Variants in DENND4C observed in about 807,000 individuals in gnomAD.
DENND4C encodes DENN domain-containing protein 4C.
A neutral mutation model predicts 203.0 loss-of-function variants in DENND4C; 108 were observed. That is an observed-to-expected ratio of 0.53 (90% CI 0.46 to 0.62). The LOEUF is 0.62. Ranked by LOEUF, DENND4C falls within the 20% of genes least tolerant of loss-of-function variation. The pLI is 0.00. For missense variants in DENND4C, 2,481 were observed against 2,301.2 expected (o/e 1.08, Z -1.60); for synonymous variants, 871 against 792.4 (o/e 1.10, Z -1.67).
intron 26 of DENND4C, among the ~76,000 whole-genome samples, chr9:19,353,663 T>G (rs1173880341): frequency 6.6e-6 from 1 of 150,886 alleles, no homozygotes; most frequent in Non-Finnish European, 1.5e-5. Flanking sequence ...CTGGGCATGA[T>G]GGCTCATGCC....
chr9:19,305,389 C>G lies in DENND4C; in HGVS notation c.1349C>G (p.Pro450Arg), dbSNP rs1839454916. ...FPFQWQCPYIPLCPLSLAAVL... is the reference protein window; with the variant it reads ...FPFQWQCPYIRLCPLSLAAVL... ...TTTCAGTGGCAATGCCCATATATTC[C>G]CCTTTGTCCTCTTTCACTGGCTGCA... The change falls in exon 10 of 33, where the codon CCC (proline) becomes CGC (arginine). Residue 450 changes from proline (P) to arginine (R), a missense_variant. This residue lies in a region of DENND4C where 2,289 missense variants were observed against 2,113.3 expected (regional missense o/e 1.08). Transcript: ENST00000434457. 6.2e-7 allele frequency: 1 copy of G among 1,611,954 alleles called. No individual in the cohort carries two copies. The highest frequency in any genetic ancestry group is 8.5e-7 in the Non-Finnish European group (1 of 1,178,944).
chr9:19,350,638 T>G, intron 23 of DENND4C, 64 bp from the exon 24 acceptor site: 1 of 1,370,724 alleles, frequency 7.3e-7, no homozygotes, highest in South Asian at 1.4e-5. Context: ...AAGGGTAGAG[T>G]GGGTATAATC....
chr9:19,355,862 A>G (rs1825279306), intron 26 of DENND4C, among the ~76,000 whole-genome samples: 1 of 152,068 alleles, frequency 6.6e-6, no homozygotes, highest in Admixed American at 6.6e-5. Flanking sequence ...CTTATCTGTG[A>G]GCCTGGTATA....
chr9:19,362,003 G>C, intron 30 of DENND4C, 40 bp downstream of exon 30: 1 of 1,274,210 alleles, frequency 7.8e-7, no homozygotes, highest in South Asian at 1.2e-5. Flanking sequence ...GCCAGGTGCA[G>C]TGGCTCGCAC....
rs1447912837 is a variant in DENND4C, at chr9:19,289,760, C to T, written c.629-944C>T. On this transcript the variant is annotated intron_variant, in intron 4 of 32. Transcript: ENST00000434457. ...ACGAGAATCGCTTGAACCCAGGAGGCGGAGGTTGCAGTGAGCCGAGATCAC... is the reference window on the plus strand; with the variant it reads ...ACGAGAATCGCTTGAACCCAGGAGGTGGAGGTTGCAGTGAGCCGAGATCAC... Among the ~76,000 whole-genome samples the T allele has an allele frequency of 1.6e-4, 23 of 141,124 alleles. 2 individuals carry two copies. Among genetic ancestry groups the T allele is most frequent in the Admixed American group, 6.1e-4 (8 of 13,168 alleles). 92.6% of individuals were successfully genotyped at this position (141,124 alleles called of 152,430 possible). A position where few individuals can be genotyped will look rare whatever the true frequency, so the allele number is the denominator to read the frequency against.
chr9:19,336,805 G>C lies in DENND4C; in HGVS notation c.2854G>C (p.Glu952Gln). 1 of 1,550,642 alleles carries C rather than the reference G, an allele frequency of 6.4e-7. No individual in the cohort carries two copies. Among genetic ancestry groups the C allele is most frequent in the Non-Finnish European group, 8.7e-7 (1 of 1,146,948 alleles). ...CTTCGTCAGAGATTTAATCAGGCTT[G>C]AGTCCATTGATAATCACTCTAGCAC... is the stretch of plus-strand genomic sequence containing the variant. ...TVFVRDLIRLESIDNHSSTGG... is the reference protein window; with the variant it reads ...TVFVRDLIRLQSIDNHSSTGG... The change falls in exon 20 of 33, where the codon GAG becomes CAG. Residue 952 changes from glutamate to glutamine, a missense_variant. Around this residue, in one of 3 missense-constraint regions of DENND4C, gnomAD observed 2,289 missense variants for 2,113.3 expected, o/e 1.08. Coordinates refer to ENST00000434457, the MANE Select transcript of DENND4C (RefSeq NM_001330640.2).
chr9:19,344,566 C>T (rs1822379749), intron 22 of DENND4C, among the ~76,000 whole-genome samples: 1 of 152,198 alleles, frequency 6.6e-6, no homozygotes, highest in Non-Finnish European at 1.5e-5. Context: ...ACAGTCATGG[C>T]TCACTGCAGC....
intron 10 of DENND4C, among the ~76,000 whole-genome samples, chr9:19,311,278 C>T (rs1251013584): frequency 6.6e-6 from 1 of 152,084 alleles, no homozygotes; most frequent in African/African-American, 2.4e-5. Context: ...CATGCACCAT[C>T]ATGCCTGGCT....
rs137945752 is a variant in DENND4C, at chr9:19,328,708, A to T, written c.2253+546A>T. Among the ~76,000 whole-genome samples, 145 of 148,374 alleles carry T rather than the reference A, an allele frequency of 9.8e-4. 1 individual carries two copies. The highest frequency in any genetic ancestry group is 3.5e-3 in the Middle Eastern group (1 of 288). ...CTATCTATCTATCTGTCTATCTATC[A>T]ATCAAGGCTGAAGTTTTTGAATGCT... is the stretch of plus-strand genomic sequence containing the variant. On this transcript the variant is annotated intron_variant, in intron 16 of 32. Coordinates refer to ENST00000434457, the MANE Select transcript of DENND4C (RefSeq NM_001330640.2).
chr9:19,343,453 C>T (rs939130939), intron 22 of DENND4C, among the ~76,000 whole-genome samples: 3 of 152,202 alleles, frequency 2.0e-5, no homozygotes, highest in African/African-American at 4.8e-5. Flanking sequence ...GTTGACTTTT[C>T]TGAAGTTGAC....
At chr9:19,308,429 G>A (rs1840106638) in intron 10 of DENND4C, among the ~76,000 whole-genome samples, 1 of 152,156 alleles carries the variant, frequency 6.6e-6, no homozygotes. Flanking sequence ...AGCAAATGGA[G>A]GATTTTCATA....
intron 1 of DENND4C, among the ~76,000 whole-genome samples, chr9:19,263,947 A>G (rs897861087): frequency 6.6e-6 from 1 of 152,166 alleles, no homozygotes; most frequent in Non-Finnish European, 1.5e-5. Flanking sequence ...GGTGTGAGCC[A>G]CTGCGCCTGG....
Position 19,352,109 on chromosome 9 carries a change from A to G in DENND4C, c.4532A>G (p.Asp1511Gly). The change falls in exon 25 of 33, where the codon GAC (aspartate) becomes GGC (glycine). Residue 1511 changes from aspartate to glycine, a missense_variant. Asp to Gly is a moderately conservative substitution (Grantham distance 94). Transcript: ENST00000434457. ...VPFPRGMKGQ[D>G]FEKSDHGSSQ... The stretch of plus-strand genomic sequence containing the variant: ...TTTCCAAGAGGCATGAAAGGGCAAG[A>G]CTTTGAAAAATCAGATCATGGTTCT... 3.1e-6 allele frequency: 5 copies of G among 1,613,912 alleles called. No homozygotes were observed. The South Asian group carries it at 4.4e-5, about 14-fold the overall frequency.
At position 19,358,561 on chromosome 9, in the gene DENND4C, A is replaced by G. The variant is rs1825859160; in HGVS notation, c.5160+401A>G. On this transcript the variant is annotated intron_variant, in intron 28 of 32. Coordinates refer to ENST00000434457, the MANE Select transcript of DENND4C (RefSeq NM_001330640.2). This position sits in a 1 kb window ranked among gnomAD's most constrained non-coding sequence, Gnocchi z 4.8. ...TCATACAAAAAAAACCCCAAATAAT[A>G]GTATCAAGTTATTTAGTCTGTTCAA... Among the ~76,000 whole-genome samples the G allele has an allele frequency of 6.6e-6, 1 of 151,888 alleles. No homozygotes were observed. Among genetic ancestry groups the G allele is most frequent in the Admixed American group, 6.5e-5 (1 of 15,268 alleles).
chr9:19,363,213 A>G (rs1314029572), intron 30 of DENND4C, among the ~76,000 whole-genome samples: 2 of 152,158 alleles, frequency 1.3e-5, no homozygotes, highest in Non-Finnish European at 2.9e-5. Context: ...CATCAGCTGT[A>G]TTAGGTTAGG....
In DENND4C at chr9:19,328,102, A is replaced by G. The variant is rs1818206533; in HGVS notation, c.2193A>G (p.Arg731=). The G allele has an allele frequency of 1.2e-6, 2 of 1,613,822 alleles. No homozygotes were observed. Among genetic ancestry groups the G allele is most frequent in the Non-Finnish European group, 8.5e-7 (1 of 1,179,850 alleles). The change falls in exon 16 of 33, where the codon AGA becomes AGG. Residue 731 remains arginine, a synonymous_variant. Coordinates refer to ENST00000434457, the MANE Select transcript of DENND4C (RefSeq NM_001330640.2). ...AGGAGTTGAAACTTTGTTTTAGTAG[A>G]CACCCTACTGGGAATAGCATTACAA... ...RPQELKLCFS[R]HPTGNSITKS... is the part of the protein sequence containing the mutation.
At chr9:19,287,518 C>T (rs1242519443) in intron 3 of DENND4C, among the ~76,000 whole-genome samples, 1 of 151,978 alleles carries the variant, frequency 6.6e-6, no homozygotes, top group Non-Finnish European at 1.5e-5. Context: ...GTAGCTGGGA[C>T]TACAGGATAG....
chr9:19,323,561 A>T (rs964310331), intron 12 of DENND4C, among the ~76,000 whole-genome samples: 8 of 152,330 alleles, frequency 5.3e-5, no homozygotes, highest in Non-Finnish European at 8.8e-5. Context: ...GTCTTCAGTG[A>T]ATGAAGGAGT....
At chr9:19,289,771 G>A (rs1318125621) in intron 4 of DENND4C, among the ~76,000 whole-genome samples, 1 of 148,532 alleles carries the variant, frequency 6.7e-6, no homozygotes. Flanking sequence ...GGAGGTTGCA[G>A]TGAGCCGAGA....
Sources: gnomAD v4.1 joint callset for allele counts (sites outside exome capture counted in the v4.1 genomes callset) on GRCh38, gnomAD v4.1.1 for gene constraint, gnomAD v4.1.1 regional missense constraint, Gnocchi (gnomAD v3.1) non-coding constraint, MANE v1.5 for transcripts, NCBI Gene and HGNC (gene_info 2026-07-23, HGNC 2026-07-21) for gene names.